Variants in TIMD4 observed in about 807,000 individuals in gnomAD.
TIMD4 encodes T-cell immunoglobulin and mucin domain-containing protein 4.
Under a neutral mutation model 41.2 loss-of-function variants are expected in TIMD4, and 31 were observed. The ratio of observed to expected loss-of-function variants is 0.75; its 90% CI spans 0.57 to 1.01. The LOEUF (loss-of-function observed/expected upper bound fraction) is 1.01, where lower values mean the gene tolerates loss of function less well. Ranked by LOEUF, TIMD4 falls within the 50% of genes least tolerant of loss-of-function variation. The pLI, the probability that TIMD4 is intolerant of heterozygous loss-of-function variation, is 0.00. For synonymous variants in TIMD4, 204 were observed against 177.1 expected (o/e 1.15, Z -1.21); for missense variants, 479 against 472.5 (o/e 1.01, Z -0.13).
chr5:156,942,953 T>C (rs1340318630), intron 5 of TIMD4, among the ~76,000 whole-genome samples: 1 of 152,216 alleles, frequency 6.6e-6, no homozygotes, highest in Non-Finnish European at 1.5e-5. Flanking sequence ...TGAAAAGCTT[T>C]CAGAATCTCA....
At chr5:156,940,000 C>T (rs1759610610) in intron 5 of TIMD4, among the ~76,000 whole-genome samples, 1 of 152,264 alleles carries the variant, frequency 6.6e-6, no homozygotes, top group Non-Finnish European at 1.5e-5. Context: ...CACGGTCTCC[C>T]TCTGTTGCCG....
chr5:156,920,445 T>C lies in TIMD4; in HGVS notation c.1052+19A>G. ...GCTTGTACAATCATTACAACACCCA[T>C]TCATGCAAGATAGATTACCTTGTGT... On this transcript the variant is annotated intron_variant, in intron 8 of 8. Transcript: ENST00000274532. The C allele has an allele frequency of 2.5e-6, 4 of 1,613,626 alleles. No homozygotes were observed. Among genetic ancestry groups the C allele is most frequent in the Non-Finnish European group, 3.4e-6 (4 of 1,179,574 alleles).
chr5:156,933,736 T>C (rs144228989), intron 5 of TIMD4, among the ~76,000 whole-genome samples: 1 of 152,166 alleles, frequency 6.6e-6, no homozygotes, highest in Non-Finnish European at 1.5e-5. Flanking sequence ...GTATTTTTGG[T>C]AGAAATATGG....
At chr5:156,943,540 A>G (rs1382721474) in intron 5 of TIMD4, among the ~76,000 whole-genome samples, 3 of 152,320 alleles carry the variant, frequency 2.0e-5, no homozygotes, top group African/African-American at 7.2e-5. Context: ...AGGACTAGAA[A>G]GAAAGGATAG....
intron 2 of TIMD4, among the ~76,000 whole-genome samples, chr5:156,952,056 G>A (rs893337583): frequency 3.3e-5 from 5 of 152,050 alleles, no homozygotes; most frequent in Admixed American, 6.5e-5. Context: ...TTGGGAGGCC[G>A]AGGCGGGTGG....
At chr5:156,922,931 G>A (rs767776053) in intron 6 of TIMD4, among the ~76,000 whole-genome samples, 2 of 152,002 alleles carry the variant, frequency 1.3e-5, no homozygotes, top group Non-Finnish European at 1.5e-5. Flanking sequence ...CATAAAACAT[G>A]TTATGTTAGC....
chr5:156,946,775 G>T (rs193076408), intron 5 of TIMD4, among the ~76,000 whole-genome samples: 1 of 151,108 alleles, frequency 6.6e-6, no homozygotes, highest in Non-Finnish European at 1.5e-5. Context: ...ATGAGCCACC[G>T]CGCCTGGCCT....
intron 5 of TIMD4, among the ~76,000 whole-genome samples, chr5:156,939,065 C>T (rs537321958): frequency 6.2e-4 from 94 of 152,294 alleles, no homozygotes; most frequent in African/African-American, 2.2e-3. Flanking sequence ...TCTCCCTTTG[C>T]ACCTCTTCAC....
At chr5:156,945,549 C>T (rs1387575691) in intron 5 of TIMD4, among the ~76,000 whole-genome samples, 2 of 152,052 alleles carry the variant, frequency 1.3e-5, no homozygotes, top group Non-Finnish European at 2.9e-5. Context: ...GGTAAATCCT[C>T]GGTGGATGTT....
Position 156,954,722 on chromosome 5 carries a change from A to T in TIMD4, c.93T>A (p.Val31=). 1 of 1,613,596 alleles carries T rather than the reference A, an allele frequency of 6.2e-7. No homozygotes were observed. Among genetic ancestry groups the T allele is most frequent in the South Asian group, 1.1e-5 (1 of 91,026 alleles). The change falls in exon 2 of 9, where the codon GTT becomes GTA. Residue 31 remains valine (V), a synonymous_variant. Transcript: ENST00000274532. ...PVTSETVVTE[V]LGHRVTLPCL... ...AGGGCAAAGTCACCCGGTGACCCAAAACCTCCGTCACAACAGTCTCTGAAG... is the reference window on the plus strand; with the variant it reads ...AGGGCAAAGTCACCCGGTGACCCAATACCTCCGTCACAACAGTCTCTGAAG...
chr5:156,929,351 G>A (rs1338414256), intron 5 of TIMD4, among the ~76,000 whole-genome samples: 1 of 152,166 alleles, frequency 6.6e-6, no homozygotes, highest in Admixed American at 6.5e-5. Flanking sequence ...AGTATAATGA[G>A]TAGCATAGTA....
At chr5:156,922,723 C>T (rs999891616) in intron 6 of TIMD4, among the ~76,000 whole-genome samples, 1 of 152,204 alleles carries the variant, frequency 6.6e-6, no homozygotes, top group Non-Finnish European at 1.5e-5. Context: ...AGTATACTTT[C>T]CCAGAGGCTA....
At chr5:156,951,474 C>A in intron 3 of TIMD4, 38 bp downstream of exon 3, 1 of 1,609,258 alleles carries the variant, frequency 6.2e-7, no homozygotes, top group East Asian at 2.2e-5. Context: ...TTCAGTGAGA[C>A]AGCACTGTTC....
intron 6 of TIMD4, 50 bp from the exon 7 acceptor site, chr5:156,922,266 C>CTTGTGAGGGTGGCAT: frequency 7.1e-7 from 1 of 1,406,056 alleles, no homozygotes; most frequent in Non-Finnish European, 1.0e-6. Context: ...TAGATGCCAC[C>CTTGTGAGGGTGGCAT]CTCACAAGAT....
chr5:156,948,338 A>T, intron 5 of TIMD4, 78 bp downstream of exon 5: 2 of 852,818 alleles, frequency 2.3e-6, no homozygotes, highest in Non-Finnish European at 3.0e-6. Context: ...AAAAAAAAAA[A>T]GCAAGATTCT....
chr5:156,955,753 GTGGAAATTACTAGAAT>G (rs1211492336), intron 1 of TIMD4, among the ~76,000 whole-genome samples: 2 of 152,124 alleles, frequency 1.3e-5, no homozygotes, highest in Non-Finnish European at 2.9e-5. Flanking sequence ...TCTCCTTTCA[GTGGAAATTACTAGAAT>G]TGGAAATTAC....
At chr5:156,941,284 C>T (rs1011894685) in intron 5 of TIMD4, among the ~76,000 whole-genome samples, 3 of 152,086 alleles carry the variant, frequency 2.0e-5, no homozygotes, top group African/African-American at 4.8e-5. Flanking sequence ...AAATCCCCCT[C>T]TCCGAGAAAC....
At chr5:156,940,226 G>A (rs1467552288) in intron 5 of TIMD4, among the ~76,000 whole-genome samples, 1 of 152,254 alleles carries the variant, frequency 6.6e-6, no homozygotes, top group Non-Finnish European at 1.5e-5. Flanking sequence ...CCGAGGTGCC[G>A]GGATTGCAGA....
At chr5:156,945,382 C>A (rs148370392) in intron 5 of TIMD4, among the ~76,000 whole-genome samples, 1 of 152,196 alleles carries the variant, frequency 6.6e-6, no homozygotes, top group Non-Finnish European at 1.5e-5. Flanking sequence ...ACAAGGCAGA[C>A]CTACAATGGT....
Sources: gnomAD v4.1 joint callset for allele counts (sites outside exome capture counted in the v4.1 genomes callset) on GRCh38, gnomAD v4.1.1 for gene constraint, MANE v1.5 for transcripts, NCBI Gene and HGNC (gene_info 2026-07-23, HGNC 2026-07-21) for gene names.